LYST: variants seen among roughly 807,000 people sequenced by gnomAD.
LYST encodes lysosomal trafficking regulator.
Under a neutral mutation model 413.6 loss-of-function variants are expected in LYST, and 192 were observed. The observed-to-expected ratio is 0.46, with a 90% CI of 0.41 to 0.52. The LOEUF (loss-of-function observed/expected upper bound fraction) is 0.52. LYST is among the 20% of genes least tolerant of loss of function. LYST has a pLI of 0.00. For missense variants in LYST, 3,815 were observed against 4,499.9 expected, an observed-to-expected ratio of 0.85 and a Z score of 4.35; for synonymous variants, 1,525 against 1,567.3, an observed-to-expected ratio of 0.97 and a Z score of 0.64.
chr1:235,858,583 T>G (rs183270911), intron 1 of LYST, among the ~76,000 whole-genome samples: 101 of 152,314 alleles, frequency 6.6e-4, no homozygotes, highest in East Asian at 5.8e-3. Context: ...CTCATTTAGA[T>G]TCTTCATCCT....
At chr1:235,838,824 G>C (rs924752441) in intron 1 of LYST, among the ~76,000 whole-genome samples, 21 of 152,082 alleles carry the variant, frequency 1.4e-4, no homozygotes, top group African/African-American at 5.1e-4. Context: ...ACCCTTCTTA[G>C]TCTGTGTGTA....
intron 14 of LYST, 25 bp downstream of exon 14, chr1:235,787,175 T>C (rs773294257): frequency 1.3e-6 from 2 of 1,564,450 alleles, no homozygotes; most frequent in Non-Finnish European, 1.8e-6. Context: ...GAGATTGAGA[T>C]GCATTTTCTC....
intron 19 of LYST, among the ~76,000 whole-genome samples, chr1:235,770,918 A>G (rs1558218800): frequency 6.6e-6 from 1 of 152,158 alleles, no homozygotes; most frequent in African/African-American, 2.4e-5. Flanking sequence ...ATACTAGAGA[A>G]AAAAAGAGAT....
At chr1:235,834,371 A>G (rs980975843) in intron 1 of LYST, among the ~76,000 whole-genome samples, 1 of 152,140 alleles carries the variant, frequency 6.6e-6, no homozygotes, top group Non-Finnish European at 1.5e-5. Context: ...TTTGAATTAT[A>G]AGTTTTAAAA....
In LYST at chr1:235,758,987, G is replaced by T; in HGVS notation, c.6866C>A (p.Thr2289Asn). ...SLGYEPNYNR[T>N]ASAHSVTEDC... is the part of the protein sequence containing the mutation. The stretch of plus-strand genomic sequence containing the variant: ...ACATAAGTACCTGTGAGCACTTGCA[G>T]TTCGGTTGTAATTTGGCTCATAACC... The change falls in exon 23 of 53, where the codon ACT becomes AAT. Residue 2289 changes from threonine to asparagine, a missense_variant. This residue lies in a region of LYST where 771 missense variants were observed against 837.1 expected (regional missense o/e 0.92). Transcript: ENST00000389793. 2 of 1,614,034 alleles carry T rather than the reference G, an allele frequency of 1.2e-6. No homozygotes were observed. Among genetic ancestry groups the T allele is most frequent in the Non-Finnish European group, 1.7e-6 (2 of 1,179,958 alleles).
At chr1:235,697,798 T>G (rs1168485058) in intron 45 of LYST, among the ~76,000 whole-genome samples, 1 of 152,166 alleles carries the variant, frequency 6.6e-6, no homozygotes, top group Non-Finnish European at 1.5e-5. Flanking sequence ...GGGAAAGTGT[T>G]TATCTATGGA....
At chr1:235,817,279 C>T (rs189034300) in intron 3 of LYST, among the ~76,000 whole-genome samples, 14 of 152,092 alleles carry the variant, frequency 9.2e-5, no homozygotes, top group East Asian at 7.7e-4. Flanking sequence ...CTGGTGGGAA[C>T]GTAAGTTAGT....
At chr1:235,730,429 C>G (rs1161644693) in intron 36 of LYST, among the ~76,000 whole-genome samples, 1 of 151,864 alleles carries the variant, frequency 6.6e-6, no homozygotes, top group Non-Finnish European at 1.5e-5. Flanking sequence ...TATATTGCTG[C>G]TTGATGATAC....
At chr1:235,724,920 A>C (rs541500143) in intron 38 of LYST, among the ~76,000 whole-genome samples, 1 of 152,310 alleles carries the variant, frequency 6.6e-6, no homozygotes, top group African/African-American at 2.4e-5. Flanking sequence ...AGGGAGTGAT[A>C]CTCTGGTTGC....
rs945111121 is a variant in LYST at position 235,802,977 on chromosome 1, A to G, written c.3643T>C (p.Leu1215=). ...EDSQCCSFKL[L]VEEEGYEADS... Reference sequence around the variant, plus strand: ...GCTTCGTAACCTTCTTCTTCAACTAAAAGTTTAAAACTACAACACTGAGAA... The same window carrying G: ...GCTTCGTAACCTTCTTCTTCAACTAGAAGTTTAAAACTACAACACTGAGAA... Residue 1215 remains leucine, a synonymous_variant, in exon 8 of 53, where the codon TTA becomes CTA. Transcript: ENST00000389793. The G allele has an allele frequency of 3.7e-6, 6 of 1,613,604 alleles. No homozygotes were observed. The highest frequency in any genetic ancestry group is 2.2e-5 in the South Asian group (2 of 91,068).
At chr1:235,853,231 G>A (rs964062456) in intron 1 of LYST, among the ~76,000 whole-genome samples, 2 of 152,190 alleles carry the variant, frequency 1.3e-5, no homozygotes, top group African/African-American at 4.8e-5. Context: ...TTGAAAAGAA[G>A]TATGTACATT....
chr1:235,850,966 G>A (rs1343256086), intron 1 of LYST, among the ~76,000 whole-genome samples: 1 of 152,152 alleles, frequency 6.6e-6, no homozygotes, highest in Non-Finnish European at 1.5e-5. Context: ...AAACAATGTG[G>A]AGATTCCTTA....
At chr1:235,770,120 G>A (rs763139480) in intron 20 of LYST, 40 bp downstream of exon 20, 1 of 1,600,846 alleles carries the variant, frequency 6.2e-7, no homozygotes, top group Non-Finnish European at 8.5e-7. Flanking sequence ...TTAAACAACT[G>A]TGGAATATAT....
In LYST at chr1:235,833,670, AC is replaced by A. The variant is rs748172494; in HGVS notation, c.-97-4del. ...ATATTCTTAGAACAAAGCTTCACCT[AC>A]AAAAAAAAAGACATATTAATCACAA... On this transcript the variant is annotated splice_region_variant and splice_polypyrimidine_tract_variant and intron_variant, in intron 1 of 52. Coordinates refer to ENST00000389793, the MANE Select transcript of LYST (RefSeq NM_000081.4). 1.6e-5 allele frequency: 13 copies of A among 814,178 alleles called. No homozygotes were observed. The highest frequency in any genetic ancestry group is 1.9e-5 in the African/African-American group (1 of 53,932). The allele number at this position is 814,178 out of a possible 1,614,324, so 50.4% of individuals were successfully genotyped here. A position where few individuals can be genotyped will look rare whatever the true frequency, so the allele number is the denominator to read the frequency against.
chr1:235,712,919 T>C (rs1662520774), intron 42 of LYST: 3 of 985,254 alleles, frequency 3.0e-6, no homozygotes, highest in Non-Finnish European at 2.4e-6. Context: ...GAATATTAAA[T>C]GATATCCAAA....
At chr1:235,708,931 G>A (rs1035262398) in intron 44 of LYST, among the ~76,000 whole-genome samples, 160 bp downstream of exon 44, 6 of 152,288 alleles carry the variant, frequency 3.9e-5, no homozygotes, top group African/African-American at 1.4e-4. Flanking sequence ...TTTTTAAAGA[G>A]AGGAAATATA....
At chr1:235,742,957 CTT>C (rs989678304) in intron 30 of LYST, among the ~76,000 whole-genome samples, 14 of 152,038 alleles carry the variant, frequency 9.2e-5, no homozygotes, top group African/African-American at 2.9e-4. Flanking sequence ...TGTTATAACT[CTT>C]GTTTTACTAT....
chr1:235,820,487 AGC>A (rs1674634547), intron 3 of LYST, among the ~76,000 whole-genome samples: 3 of 151,580 alleles, frequency 2.0e-5, no homozygotes, highest in African/African-American at 7.3e-5. Flanking sequence ...CTCCCGCCCC[AGC>A]CTCCCAAGTA....
chr1:235,787,050 T>C, intron 14 of LYST, 150 bp downstream of exon 14: 2 of 618,846 alleles, frequency 3.2e-6, no homozygotes, highest in Non-Finnish European at 5.5e-6. Context: ...AGTACAATAA[T>C]AATAAAAAAA....
Sources: allele counts gnomAD v4.1 joint callset (sites outside exome capture counted in the v4.1 genomes callset), GRCh38; gene constraint gnomAD v4.1.1; regional missense constraint gnomAD v4.1.1; transcripts MANE v1.5; gene names NCBI Gene and HGNC (gene_info 2026-07-23, HGNC 2026-07-21).